Variants in STPG2 observed in about 807,000 individuals in gnomAD.
STPG2 encodes the protein sperm tail PG-rich repeat containing 2, also known as sperm-tail PG-rich repeat-containing protein 2.
In STPG2, 56 loss-of-function variants were observed where a neutral mutation model predicts 54.2. That is an observed-to-expected ratio of 1.03 (90% CI 0.83 to 1.29). The LOEUF is 1.29. STPG2 is among the 50% of genes most tolerant of loss of function. The probability of loss-of-function intolerance (pLI) is 0.00; values close to 1 mark genes in which losing one functional copy is unlikely to be tolerated. For synonymous variants in STPG2, 200 were observed against 181.8 expected (o/e 1.10, Z -0.81); for missense variants, 596 against 544.9 (o/e 1.09, Z -0.93).
At chr4:97,539,727 C>T (rs1462432566) in intron 4 of STPG2, among the ~76,000 whole-genome samples, 1 of 152,144 alleles carries the variant, frequency 6.6e-6, no homozygotes, top group African/African-American at 2.4e-5. Context: ...CAGAACTCTC[C>T]ACCACAAATC....
intron 8 of STPG2, among the ~76,000 whole-genome samples, chr4:97,850,593 C>T (rs1729127555): frequency 6.6e-6 from 1 of 151,280 alleles, no homozygotes; most frequent in Non-Finnish European, 1.5e-5. Context: ...TTCTGATCCT[C>T]CATTAAAATT....
At chr4:98,103,638 T>C (rs1179798322) in intron 5 of STPG2, among the ~76,000 whole-genome samples, 1 of 130,154 alleles carries the variant, frequency 7.7e-6, no homozygotes, top group East Asian at 2.1e-4. Flanking sequence ...CAAAACTCCA[T>C]CTCAAAAAAA....
chr4:97,728,272 G>C (rs1223470902), intron 9 of STPG2, among the ~76,000 whole-genome samples: 3 of 151,868 alleles, frequency 2.0e-5, no homozygotes, highest in Non-Finnish European at 4.4e-5. Context: ...ATGTATGATA[G>C]AATTACACAA....
chr4:98,142,553 C>G (rs1173854342), intron 1 of STPG2, among the ~76,000 whole-genome samples: 1 of 147,972 alleles, frequency 6.8e-6, no homozygotes, highest in Non-Finnish European at 1.5e-5. Flanking sequence ...TGAGGACGGT[C>G]AGAAAAATCT....
chr4:97,452,754 C>G (rs913557986), intron 4 of STPG2, among the ~76,000 whole-genome samples: 1 of 152,142 alleles, frequency 6.6e-6, no homozygotes, highest in Non-Finnish European at 1.5e-5. Context: ...GGTCTCCTCT[C>G]TGCTGAGAGT....
At chr4:98,079,749 G>A (rs1738284426) in intron 5 of STPG2, among the ~76,000 whole-genome samples, 1 of 151,912 alleles carries the variant, frequency 6.6e-6, no homozygotes, top group Non-Finnish European at 1.5e-5. Context: ...AACAAAAAAG[G>A]TAATATTTTC....
chr4:97,994,886 T>A (rs991712245), intron 5 of STPG2, among the ~76,000 whole-genome samples: 111 of 152,090 alleles, frequency 7.3e-4, no homozygotes, highest in Non-Finnish European at 4.6e-4. Flanking sequence ...TCCTTTGTCT[T>A]CAGCTACAAG....
At chr4:97,982,076 G>T (rs1336580345) in intron 5 of STPG2, among the ~76,000 whole-genome samples, 1 of 151,614 alleles carries the variant, frequency 6.6e-6, no homozygotes, top group African/African-American at 2.4e-5. Flanking sequence ...AGTAGAAACG[G>T]GGTTTCACCG....
At chr4:97,484,677 T>G (rs527537839) in intron 4 of STPG2, among the ~76,000 whole-genome samples, 1 of 151,656 alleles carries the variant, frequency 6.6e-6, no homozygotes, top group African/African-American at 2.4e-5. Flanking sequence ...TTCCATAAGA[T>G]AGAGAAAGAG....
At chr4:97,697,996 C>T (rs1021404341) in intron 10 of STPG2, among the ~76,000 whole-genome samples, 2 of 152,208 alleles carry the variant, frequency 1.3e-5, no homozygotes, top group Non-Finnish European at 2.9e-5. Context: ...AAACTCTGTT[C>T]ATGGCTCTCA....
chr4:97,931,093 T>A (rs1732529333), intron 8 of STPG2, among the ~76,000 whole-genome samples: 1 of 152,222 alleles, frequency 6.6e-6, no homozygotes, highest in East Asian at 1.9e-4. Context: ...GCCAATACTA[T>A]GGGATTTTCT....
At chr4:97,653,328 A>C (rs1164424151) in intron 10 of STPG2, among the ~76,000 whole-genome samples, 2 of 151,928 alleles carry the variant, frequency 1.3e-5, no homozygotes, top group Non-Finnish European at 2.9e-5. Context: ...ACTAGTTTTG[A>C]CTTTATATAA....
chr4:97,904,531 C>T (rs886143175), intron 8 of STPG2, among the ~76,000 whole-genome samples: 1 of 152,222 alleles, frequency 6.6e-6, no homozygotes, highest in Non-Finnish European at 1.5e-5. Flanking sequence ...ACTGGAAACT[C>T]TAAAAAGCAG....
chr4:97,484,709 T>C (rs1730310207), intron 4 of STPG2, among the ~76,000 whole-genome samples: 1 of 151,902 alleles, frequency 6.6e-6, no homozygotes, highest in Non-Finnish European at 1.5e-5. Flanking sequence ...TAATTCATTC[T>C]ATGAGGCCAG....
chr4:97,903,706 G>A (rs1731270261), intron 8 of STPG2, among the ~76,000 whole-genome samples: 1 of 152,184 alleles, frequency 6.6e-6, no homozygotes, highest in Non-Finnish European at 1.5e-5. Context: ...TCTCACTAGG[G>A]AGTGCCAGAC....
chr4:97,599,025 T>G (rs969679728), intron 10 of STPG2, among the ~76,000 whole-genome samples: 1 of 151,994 alleles, frequency 6.6e-6, no homozygotes, highest in Non-Finnish European at 1.5e-5. Context: ...TCTACAAAGG[T>G]CTAATATCCA....
At chr4:98,099,156 T>C (rs1578852391) in intron 5 of STPG2, among the ~76,000 whole-genome samples, 1 of 152,298 alleles carries the variant, frequency 6.6e-6, no homozygotes, top group Admixed American at 6.5e-5. Context: ...AAGAGATATA[T>C]GCACTCCCAT....
chr4:97,863,564 T>C (rs889387530), intron 8 of STPG2, among the ~76,000 whole-genome samples: 3 of 152,074 alleles, frequency 2.0e-5, no homozygotes, highest in African/African-American at 4.8e-5. Context: ...TTCCAGTCAA[T>C]AGAATAAGAG....
At chr4:97,743,439 A>G (rs1346218624) in intron 9 of STPG2, among the ~76,000 whole-genome samples, 4 of 151,740 alleles carry the variant, frequency 2.6e-5, no homozygotes, top group Non-Finnish European at 4.4e-5. Flanking sequence ...AAGACATCTG[A>G]ATTTTAAGTC....
Sources: allele counts gnomAD v4.1 joint callset (sites outside exome capture counted in the v4.1 genomes callset), GRCh38; gene constraint gnomAD v4.1.1; transcripts MANE v1.5; gene names NCBI Gene and HGNC (gene_info 2026-07-23, HGNC 2026-07-21).